The following PDCD6IP variants were observed in gnomAD, a reference collection of about 807,000 sequenced individuals.
The protein encoded by PDCD6IP is programmed cell death 6 interacting protein, also known as programmed cell death 6-interacting protein.
Under a neutral mutation model 103.7 loss-of-function variants are expected in PDCD6IP, and 43 were observed. That is an observed-to-expected ratio of 0.41 (90% CI 0.32 to 0.53). The LOEUF (loss-of-function observed/expected upper bound fraction) is 0.53. Among genes scored for constraint, PDCD6IP ranks in the 20% least tolerant of loss-of-function variants. PDCD6IP has a pLI of 0.16. For missense variants in PDCD6IP, 871 were observed against 1,036.7 expected, an observed-to-expected ratio of 0.84 and a Z score of 2.20; for synonymous variants, 354 against 378.7, an observed-to-expected ratio of 0.93 and a Z score of 0.76.
intron 15 of PDCD6IP, among the ~76,000 whole-genome samples, chr3:33,863,208 T>C (rs1414881152): frequency 6.6e-6 from 1 of 152,220 alleles, no homozygotes; most frequent in Non-Finnish European, 1.5e-5. Context: ...TTTTGATACA[T>C]GAATACAATG....
intron 9 of PDCD6IP, among the ~76,000 whole-genome samples, chr3:33,840,291 G>T (rs1436314200): frequency 6.6e-6 from 1 of 152,158 alleles, no homozygotes; most frequent in Non-Finnish European, 1.5e-5. Context: ...TCATCATAAA[G>T]GTCTTCATCC....
chr3:33,805,059 T>G (rs899703692), intron 1 of PDCD6IP, among the ~76,000 whole-genome samples: 3 of 152,102 alleles, frequency 2.0e-5, no homozygotes, highest in Admixed American at 2.0e-4. Context: ...CCCCTTAAAT[T>G]AAAAAATTCT....
intron 10 of PDCD6IP, among the ~76,000 whole-genome samples, 185 bp from the exon 11 acceptor site, chr3:33,843,927 T>G (rs2125567610): frequency 6.6e-6 from 1 of 151,990 alleles, no homozygotes; most frequent in Admixed American, 6.6e-5. Context: ...CCCTTAAATT[T>G]ATAAGACTTT....
chr3:33,830,674 G>A (rs72861504), intron 7 of PDCD6IP, among the ~76,000 whole-genome samples: 3,122 of 152,180 alleles, frequency 0.021, 92 homozygotes, highest in African/African-American at 0.071. Flanking sequence ...CTAGTAGTTT[G>A]AGGCCAGCCT....
chr3:33,834,682 G>A (rs1469936234), intron 7 of PDCD6IP, among the ~76,000 whole-genome samples: 1 of 152,012 alleles, frequency 6.6e-6, no homozygotes, highest in East Asian at 1.9e-4. Context: ...TTATTATTTT[G>A]GAGAATTATA....
rs138257608 is a variant in PDCD6IP, at chr3:33,869,358, C to T, written c.*2833C>T. 639 of 152,024 alleles carry T rather than the reference C, an allele frequency of 4.2e-3. 4 individuals carry two copies. Among genetic ancestry groups the T allele is most frequent in the African/African-American group, 0.014 (596 of 41,458 alleles). 9.4% of individuals were successfully genotyped at this position (152,024 alleles called of 1,614,324 possible). On this transcript the variant is annotated 3_prime_UTR_variant, in exon 18 of 18. Coordinates refer to ENST00000307296, the MANE Select transcript of PDCD6IP (RefSeq NM_013374.6). ...TGCAATTATTAGTTGATTCACAGTACAGAACAAGGTATAAAGGAAAAAACC... is the reference window on the plus strand; with the variant it reads ...TGCAATTATTAGTTGATTCACAGTATAGAACAAGGTATAAAGGAAAAAACC...
intron 1 of PDCD6IP, chr3:33,799,654 ATACT>A (rs1397545313): frequency 6.6e-5 from 10 of 152,234 alleles, no homozygotes; most frequent in African/African-American, 7.2e-5. Flanking sequence ...TCCTTTCATG[ATACT>A]TAATAGTTAT....
intron 9 of PDCD6IP, among the ~76,000 whole-genome samples, chr3:33,841,659 C>T (rs1379370745): frequency 2.6e-5 from 4 of 151,418 alleles, no homozygotes; most frequent in South Asian, 4.2e-4. Context: ...AGGATGGTCT[C>T]GATCTCCTGA....
chr3:33,807,502 G>T (rs74443515), intron 1 of PDCD6IP, among the ~76,000 whole-genome samples: 1,639 of 152,264 alleles, frequency 0.011, 21 homozygotes, highest in Non-Finnish European at 0.018. Context: ...GCACTAAATG[G>T]TATAATCTCA....
chr3:33,819,000 C>A (rs1696926856), intron 3 of PDCD6IP, among the ~76,000 whole-genome samples: 1 of 151,880 alleles, frequency 6.6e-6, no homozygotes, highest in Non-Finnish European at 1.5e-5. Context: ...TTCTTTTTGG[C>A]CCTTTTAGTT....
chr3:33,819,496 T>C (rs982698562), intron 3 of PDCD6IP, among the ~76,000 whole-genome samples: 32 of 152,266 alleles, frequency 2.1e-4, no homozygotes, highest in Admixed American at 1.6e-3. Context: ...ATTTTCCATA[T>C]GTTTAATAAA....
intron 7 of PDCD6IP, among the ~76,000 whole-genome samples, chr3:33,834,517 T>A (rs1372440191): frequency 6.6e-6 from 1 of 152,230 alleles, no homozygotes; most frequent in Non-Finnish European, 1.5e-5. Context: ...TTGTTTTGGT[T>A]ATCTTTCTCT....
chr3:33,849,097 C>G (rs1035804993), intron 12 of PDCD6IP, among the ~76,000 whole-genome samples: 18 of 152,168 alleles, frequency 1.2e-4, no homozygotes, highest in African/African-American at 4.1e-4. Context: ...CTGTTTGGTC[C>G]TTTACCAAAA....
intron 1 of PDCD6IP, among the ~76,000 whole-genome samples, chr3:33,808,704 A>G (rs1469917516): frequency 6.6e-5 from 10 of 152,232 alleles, no homozygotes; most frequent in African/African-American, 9.6e-5. Context: ...GCACACCTGC[A>G]GTCAGTTTTC....
intron 3 of PDCD6IP, among the ~76,000 whole-genome samples, chr3:33,814,030 C>T (rs765572436): frequency 3.9e-5 from 6 of 152,096 alleles, no homozygotes; most frequent in Non-Finnish European, 4.4e-5. Flanking sequence ...AAAATCATAA[C>T]CATAGGTCAG....
Position 33,806,407 on chromosome 3 carries a change from G to A in PDCD6IP, c.210-5665G>A, listed in dbSNP as rs560106648. Among the ~76,000 whole-genome samples the A allele has an allele frequency of 6.6e-5, 10 of 152,296 alleles. No homozygotes were observed. The South Asian group carries it at 1.2e-3, about 19-fold the overall frequency. On this transcript the variant is annotated intron_variant, in intron 1 of 17. Transcript: ENST00000307296. ...TCATGATCACATAGCTAAGAGTTGG[G>A]ATTCAAACTCAGGGCTATCTGACTT...
Position 33,865,364 on chromosome 3 carries a change from C to T in PDCD6IP, c.2366C>T (p.Thr789Met), listed in dbSNP as rs541852500. Residue 789 changes from threonine (T) to methionine (M), a missense_variant, in exon 17 of 18, where the codon ACG (threonine) becomes ATG (methionine). Physicochemically the swap from Thr to Met is moderately conservative, Grantham distance 81. Coordinates refer to ENST00000307296, the MANE Select transcript of PDCD6IP (RefSeq NM_013374.6). ...ACTGCTGCGCCAGCTCCATCACAAA[C>T]GCCTGGCTCAGCTCCTCCTCCACAG... Reference protein sequence around the residue: ...AGTAAPAPSQTPGSAPPPQAQ... With the variant: ...AGTAAPAPSQMPGSAPPPQAQ... 1.6e-5 allele frequency: 25 copies of T among 1,601,066 alleles called. No homozygotes were observed. Among genetic ancestry groups the T allele is most frequent in the East Asian group, 9.2e-5 (4 of 43,376 alleles).
In PDCD6IP at chr3:33,836,192, A is replaced by G. The variant is rs139871869; in HGVS notation, c.983A>G (p.Asp328Gly). ...IYHDRVPDLK[D>G]LDPIGKATLV... ...CATGATCGAGTTCCAGACCTTAAAG[A>G]TCTAGATCCTATTGGCAAAGCCACA... Residue 328 changes from aspartate (D) to glycine (G), a missense_variant, in exon 8 of 18, where the codon GAT (aspartate) becomes GGT (glycine). Physicochemically the swap from Asp to Gly is moderately conservative, Grantham distance 94. Coordinates refer to ENST00000307296, the MANE Select transcript of PDCD6IP (RefSeq NM_013374.6). 8 of 1,613,500 alleles carry G rather than the reference A, an allele frequency of 5.0e-6. No individual in the cohort carries two copies. In the African/African-American group the frequency reaches 1.1e-4, roughly 22 times the overall value.
intron 1 of PDCD6IP, among the ~76,000 whole-genome samples, chr3:33,807,032 T>C (rs1379979448): frequency 6.6e-6 from 1 of 152,196 alleles, no homozygotes; most frequent in African/African-American, 2.4e-5. Context: ...CCATTTTACT[T>C]TGAGGGTTTC....
Sources: gnomAD v4.1 joint callset for allele counts (sites outside exome capture counted in the v4.1 genomes callset) on GRCh38, gnomAD v4.1.1 for gene constraint, MANE v1.5 for transcripts, NCBI Gene and HGNC (gene_info 2026-07-23, HGNC 2026-07-21) for gene names.